SH3GL1: variants seen among roughly 807,000 people sequenced by gnomAD.
SH3GL1 encodes the protein SH3 domain containing GRB2 like 1, endophilin A2.
Under a neutral mutation model 48.8 loss-of-function variants are expected in SH3GL1, and 21 were observed. That is an observed-to-expected ratio of 0.43 (90% CI 0.30 to 0.62). SH3GL1 has a LOEUF of 0.62. Among genes scored for constraint, SH3GL1 ranks in the 20% least tolerant of loss-of-function variants. SH3GL1 has a pLI of 0.11. For synonymous variants in SH3GL1, 282 were observed against 217.5 expected (o/e 1.30, Z -2.61); for missense variants, 454 against 503.0 (o/e 0.90, Z 0.93).
intron 1 of SH3GL1, among the ~76,000 whole-genome samples, chr19:4,377,078 A>T (rs1973023765): frequency 6.6e-6 from 1 of 152,208 alleles, no homozygotes; most frequent in Non-Finnish European, 1.5e-5. Context: ...GCCCATTCCC[A>T]GCCTGGAGCT....
chr19:4,360,833 T>G lies in SH3GL1; in HGVS notation c.*767A>C, dbSNP rs573412801. 6.0e-5 allele frequency: 14 copies of G among 233,928 alleles called. No individual in the cohort carries two copies. In the Admixed American group the frequency reaches 7.3e-4, roughly 12 times the overall value. The allele number at this position is 233,928 out of a possible 1,614,324, so 14.5% of individuals were successfully genotyped here. A position where few individuals can be genotyped will look rare whatever the true frequency, so the allele number is the denominator to read the frequency against. On this transcript the variant is annotated 3_prime_UTR_variant, in exon 10 of 10. Coordinates refer to ENST00000269886, the MANE Select transcript of SH3GL1 (RefSeq NM_003025.4). ...GTGGGTGGCTGGTGGTGGCAGCTTG[T>G]GCCAGAGTGACACAGGCCTCCCTGG... is the stretch of plus-strand genomic sequence containing the variant.
intron 1 of SH3GL1, among the ~76,000 whole-genome samples, chr19:4,373,889 C>T (rs975437287): frequency 1.3e-5 from 2 of 152,196 alleles, no homozygotes; most frequent in Non-Finnish European, 2.9e-5. Context: ...GGCCATGGTG[C>T]GGCCCGGCCA....
intron 1 of SH3GL1, among the ~76,000 whole-genome samples, chr19:4,398,798 A>C (rs1296427766): frequency 6.6e-6 from 1 of 152,062 alleles, no homozygotes; most frequent in East Asian, 1.9e-4. Flanking sequence ...TCCAAAAAAA[A>C]CCCTTTATCT....
intron 3 of SH3GL1, 46 bp downstream of exon 3, chr19:4,366,455 G>C: frequency 6.9e-7 from 1 of 1,457,166 alleles, no homozygotes; most frequent in South Asian, 1.2e-5. Context: ...CTGACACAGA[G>C]GCCAGAGGGC....
chr19:4,367,188 C>T lies in SH3GL1; in HGVS notation c.46-194G>A. 6.6e-6 allele frequency among the ~76,000 whole-genome samples: 1 copy of T among 152,020 alleles called. No individual in the cohort carries two copies. The highest frequency in any genetic ancestry group is 3.4e-3 in the Middle Eastern group (1 of 294). ...CTGCCTGCAGAGCAGGGTGGGCCTGCAGGGGGAGGGGGAGGGTGGGGGTGG... is the reference window on the plus strand; with the variant it reads ...CTGCCTGCAGAGCAGGGTGGGCCTGTAGGGGGAGGGGGAGGGTGGGGGTGG... On this transcript the variant is annotated intron_variant, in intron 1 of 9. Transcript: ENST00000269886. This position sits in a 1 kb window ranked among gnomAD's most constrained non-coding sequence, Gnocchi z 4.2.
intron 1 of SH3GL1, among the ~76,000 whole-genome samples, chr19:4,397,169 C>A (rs1247460368): frequency 1.3e-5 from 2 of 152,114 alleles, no homozygotes; most frequent in Non-Finnish European, 2.9e-5. Flanking sequence ...TCAGAGGGAA[C>A]CATGGCAATG....
At chr19:4,378,256 A>G (rs1052540639) in intron 1 of SH3GL1, among the ~76,000 whole-genome samples, 2 of 152,166 alleles carry the variant, frequency 1.3e-5, no homozygotes, top group African/African-American at 4.8e-5. Flanking sequence ...CCGTAACGCC[A>G]CGAGGCAAGC....
At chr19:4,363,949 C>T (rs1042398387) in intron 5 of SH3GL1, 71 bp from the exon 6 acceptor site, 24 of 1,606,858 alleles carry the variant, frequency 1.5e-5, no homozygotes, top group Non-Finnish European at 2.0e-5. Context: ...CTTTGACCCA[C>T]TGTCCCTGCA....
At chr19:4,366,847 T>G in intron 2 of SH3GL1, 79 bp downstream of exon 2, 1 of 1,418,282 alleles carries the variant, frequency 7.1e-7, no homozygotes, top group East Asian at 2.3e-5. Context: ...CCATCAAGGT[T>G]GGCCGCCTCC....
Position 4,361,358 on chromosome 19 carries a change from G to T in SH3GL1, c.*242C>A. The T allele has an allele frequency of 1.9e-6, 1 of 531,808 alleles. No homozygotes were observed. The highest frequency in any genetic ancestry group is 3.3e-6 in the Non-Finnish European group (1 of 299,684). The allele number at this position is 531,808 out of a possible 1,614,324, so 32.9% of individuals were successfully genotyped here. On this transcript the variant is annotated 3_prime_UTR_variant, in exon 10 of 10. Coordinates refer to ENST00000269886, the MANE Select transcript of SH3GL1 (RefSeq NM_003025.4). ...GGGGAGGAGGCTGGCGCCATGGAGT[G>T]GGGAAGGGAGCCGTCACCGTTGGGA...
Position 4,363,400 on chromosome 19 carries a change from A to G in SH3GL1, c.698T>C (p.Leu233Pro), listed in dbSNP as rs1444109066. The G allele has an allele frequency of 1.2e-6, 2 of 1,610,938 alleles. No individual in the cohort carries two copies. Among genetic ancestry groups the G allele is most frequent in the Non-Finnish European group, 1.7e-6 (2 of 1,179,002 alleles). Reference protein sequence around the residue: ...LDYHRQAVQILDELAEKLKRR... With the variant: ...LDYHRQAVQIPDELAEKLKRR... ...CTTGAGCTTCTCCGCCAGCTCGTCC[A>G]GGATCTGCACGGCCTGCCGGTGGTA... The change falls in exon 7 of 10, where the codon CTG becomes CCG. Residue 233 changes from leucine (L) to proline (P), a missense_variant. By Grantham distance (98) the Leu-to-Pro change is moderately conservative. Transcript: ENST00000269886.
chr19:4,398,909 T>G (rs1368844769), intron 1 of SH3GL1, among the ~76,000 whole-genome samples: 2 of 152,348 alleles, frequency 1.3e-5, no homozygotes, highest in East Asian at 3.8e-4. Context: ...TCACTGGCTA[T>G]TTATTGTAGT....
At chr19:4,369,932 C>T (rs1019014896) in intron 1 of SH3GL1, among the ~76,000 whole-genome samples, 16 of 152,336 alleles carry the variant, frequency 1.1e-4, no homozygotes, top group Non-Finnish European at 1.0e-4. Flanking sequence ...AAGGGAAACA[C>T]GGGAAAAGCA....
Position 4,362,687 on chromosome 19 carries a change from G to C in SH3GL1, c.778C>G (p.Arg260Gly). ...RPKREYKPKP[R>G]EPFDLGEPEQ... ...GGCTCTCCAAGGTCAAAGGGCTCCC[G>C]GGGCTTGGGCTTATACTCCCGCTTA... Residue 260 changes from arginine (R) to glycine (G), a missense_variant, in exon 8 of 10, where the codon CGG becomes GGG. Physicochemically the swap from Arg to Gly is moderately radical, Grantham distance 125. Coordinates refer to ENST00000269886, the MANE Select transcript of SH3GL1 (RefSeq NM_003025.4). 6.2e-7 allele frequency: 1 copy of C among 1,613,996 alleles called. No homozygotes were observed. The highest frequency in any genetic ancestry group is 8.5e-7 in the Non-Finnish European group (1 of 1,179,958).
intron 1 of SH3GL1, among the ~76,000 whole-genome samples, chr19:4,381,269 C>G (rs1568416786): frequency 9.0e-6 from 1 of 110,936 alleles, no homozygotes; most frequent in African/African-American, 3.3e-5. Flanking sequence ...TGTCCCCCTA[C>G]CTCTGTCTCC....
chr19:4,363,411 G>T lies in SH3GL1; in HGVS notation c.687C>A (p.Ala229=). 1 of 1,611,918 alleles carries T rather than the reference G, an allele frequency of 6.2e-7. No homozygotes were observed. Among genetic ancestry groups the T allele is most frequent in the Non-Finnish European group, 8.5e-7 (1 of 1,179,354 alleles). ...CCGCCAGCTCGTCCAGGATCTGCAC[G>T]GCCTGCCGGTGGTAGTCCAGCTGTG... ...VDAQLDYHRQ[A]VQILDELAEK... The change falls in exon 7 of 10, where the codon GCC becomes GCA. Residue 229 remains alanine, a synonymous_variant. Transcript: ENST00000269886.
At chr19:4,379,415 G>A (rs1599607965) in intron 1 of SH3GL1, among the ~76,000 whole-genome samples, 2 of 147,002 alleles carry the variant, frequency 1.4e-5, no homozygotes, top group East Asian at 2.0e-4. Context: ...GACAGCGCAA[G>A]ATGCTGTCTC....
chr19:4,395,005 C>T (rs1014567900), intron 1 of SH3GL1, among the ~76,000 whole-genome samples: 9 of 152,276 alleles, frequency 5.9e-5, no homozygotes, highest in South Asian at 2.1e-4. Flanking sequence ...CGGCTGACAG[C>T]GCTGATGGGC....
intron 4 of SH3GL1, 38 bp from the exon 5 acceptor site, chr19:4,364,259 C>T (rs1028633992): frequency 3.7e-6 from 6 of 1,613,300 alleles, no homozygotes; most frequent in Non-Finnish European, 3.4e-6. Flanking sequence ...CATACCGGGC[C>T]TGGGACCACT....
Sources: gnomAD v4.1 joint callset for allele counts (sites outside exome capture counted in the v4.1 genomes callset) on GRCh38, gnomAD v4.1.1 for gene constraint, Gnocchi (gnomAD v3.1) non-coding constraint, MANE v1.5 for transcripts, NCBI Gene and HGNC (gene_info 2026-07-23, HGNC 2026-07-21) for gene names.